Variants in USP31 observed in about 807,000 individuals in gnomAD.
USP31 encodes ubiquitin carboxyl-terminal hydrolase 31.
USP31 carries 44 observed loss-of-function variants against 119.4 expected under a neutral mutation model. That is an observed-to-expected ratio of 0.37 (90% CI 0.29 to 0.47). The LOEUF (loss-of-function observed/expected upper bound fraction) is 0.47, where lower values mean the gene tolerates loss of function less well. USP31 is among the 20% of genes least tolerant of loss of function. USP31 has a pLI of 0.99. For synonymous variants in USP31, 749 were observed against 705.6 expected (o/e 1.06, Z -0.97); for missense variants, 1,643 against 1,730.2 (o/e 0.95, Z 0.89).
chr16:23,149,406 G>GAGCC lies in USP31; in HGVS notation c.-140_-137dup. On this transcript the variant is annotated 5_prime_UTR_variant, in exon 1 of 16. Transcript: ENST00000219689. ...GCCCCACACACCTCAAAGCGCAGCCGAGCCAGCGAGCGAGCGGCGGCCGGC... is the reference window on the plus strand; with the variant it reads ...GCCCCACACACCTCAAAGCGCAGCCGAGCCAGCCAGCGAGCGAGCGGCGGCCGGC... The GAGCC allele has an allele frequency of 1.0e-6, 1 of 962,928 alleles. No homozygotes were observed. Among genetic ancestry groups the GAGCC allele is most frequent in the Non-Finnish European group, 1.2e-6 (1 of 811,248 alleles). The allele number at this position is 962,928 out of a possible 1,614,324, so 59.6% of individuals were successfully genotyped here.
Position 23,090,747 on chromosome 16 carries a change from A to G in USP31, c.1292T>C (p.Leu431Pro). 1 of 1,612,514 alleles carries G rather than the reference A, an allele frequency of 6.2e-7. No individual in the cohort carries two copies. ...HLKFGLDYHR[L>P]SSPTQTAAKQ... ...TGCTGCTGTTTGTGTAGGAGAAGAC[A>G]GTCTATGATAATCCAAGCCAAATTT... The change falls in exon 7 of 16, where the codon CTG becomes CCG. Residue 431 changes from leucine to proline, a missense_variant. Transcript: ENST00000219689.
chr16:23,148,779 C>A lies in USP31; in HGVS notation c.492G>T (p.Gly164=), dbSNP rs1177201732. Residue 164 remains glycine, a synonymous_variant, in exon 1 of 16, where the codon GGG becomes GGT. Transcript: ENST00000219689. ...CCGGGTCAGGCGAGGGCTCGGGCCG[C>A]CCCGCCCGGTACTGGCCCAGCGCCA... ...EYLALGQYRA[G]RPEPSPDPEQ... The A allele has an allele frequency of 2.6e-6, 4 of 1,533,696 alleles. No homozygotes were observed. The highest frequency in any genetic ancestry group is 1.4e-5 in the African/African-American group (1 of 69,630).
At chr16:23,107,073 C>T (rs559479165) in intron 2 of USP31, among the ~76,000 whole-genome samples, 2 of 151,518 alleles carry the variant, frequency 1.3e-5, no homozygotes, top group South Asian at 4.2e-4. Flanking sequence ...GACTGTGCCA[C>T]TGCACTTCAG....
rs1231123765 is a variant in USP31, at chr16:23,068,901, T to G, written c.3204A>C (p.Leu1068=). ...PSSPLPVKVS[L]KPSRSRSKAD... ...CTTTGCTGCGGGAGCGGGAGGGCTT[T>G]AGAGAGACTTTTACAGGAAGAGGAG... The change falls in exon 16 of 16, where the codon CTA becomes CTC. Residue 1068 remains leucine (L), a synonymous_variant. Coordinates refer to ENST00000219689, the MANE Select transcript of USP31 (RefSeq NM_020718.4). The G allele has an allele frequency of 1.9e-6, 3 of 1,611,626 alleles. No homozygotes were observed.
intron 6 of USP31, among the ~76,000 whole-genome samples, chr16:23,098,374 A>G (rs1160986661): frequency 2.6e-5 from 4 of 152,214 alleles, no homozygotes; most frequent in Non-Finnish European, 5.9e-5. Flanking sequence ...GGAAGAATCA[A>G]TATCGTGAAA....
chr16:23,079,676 G>C (rs1900730156), intron 13 of USP31: 1 of 330,138 alleles, frequency 3.0e-6, no homozygotes, highest in Non-Finnish European at 5.5e-6. Context: ...GGTAAACAAA[G>C]AGCAAATCCT....
chr16:23,140,047 T>C (rs903723380), intron 1 of USP31, among the ~76,000 whole-genome samples: 1 of 152,214 alleles, frequency 6.6e-6, no homozygotes, highest in Non-Finnish European at 1.5e-5. Context: ...TCTCGCTGTA[T>C]TTATTTTCTC....
At position 23,105,512 on chromosome 16, in the gene USP31, C is replaced by A; in HGVS notation, c.1018G>T (p.Val340Leu). 6.2e-7 allele frequency: 1 copy of A among 1,614,120 alleles called. No homozygotes were observed. ...CTGGCGACAGTCCCAGACAGAGGTA[C>A]GGCCACACCAATCCTCATGCAGTGA... ...CSHCMRIGVAVPLSGTVARLR... is the reference protein window; with the variant it reads ...CSHCMRIGVALPLSGTVARLR... Residue 340 changes from valine to leucine, a missense_variant, in exon 5 of 16, where the codon GTA (valine) becomes TTA (leucine). By Grantham distance (32) the Val-to-Leu change is conservative. Coordinates refer to ENST00000219689, the MANE Select transcript of USP31 (RefSeq NM_020718.4).
At chr16:23,143,430 C>T (rs1394907300) in intron 1 of USP31, among the ~76,000 whole-genome samples, 1 of 152,054 alleles carries the variant, frequency 6.6e-6, no homozygotes, top group African/African-American at 2.4e-5. Flanking sequence ...TTTAAAATGG[C>T]ATATTATGTA....
intron 14 of USP31, among the ~76,000 whole-genome samples, 155 bp downstream of exon 14, chr16:23,073,566 GA>G (rs759102371): frequency 1.3e-5 from 2 of 152,142 alleles, no homozygotes; most frequent in Non-Finnish European, 2.9e-5. Context: ...CAACTTCCTT[GA>G]CTGCAGTCAT....
intron 1 of USP31, among the ~76,000 whole-genome samples, chr16:23,115,149 C>T (rs975344344): frequency 1.3e-5 from 2 of 152,136 alleles, no homozygotes; most frequent in Non-Finnish European, 2.9e-5. Flanking sequence ...CCAAGAGTCC[C>T]GGAAAGTGAT....
chr16:23,137,522 C>T (rs1363669810), intron 1 of USP31, among the ~76,000 whole-genome samples: 2 of 151,972 alleles, frequency 1.3e-5, no homozygotes, highest in Non-Finnish European at 2.9e-5. Flanking sequence ...ATGGTGGTAT[C>T]ACATTGATAA....
intron 9 of USP31, among the ~76,000 whole-genome samples, chr16:23,086,605 G>A (rs896475425): frequency 6.6e-6 from 1 of 152,076 alleles, no homozygotes; most frequent in Non-Finnish European, 1.5e-5. Flanking sequence ...AAATAGTATC[G>A]CCTGTTCAAA....
intron 1 of USP31, among the ~76,000 whole-genome samples, chr16:23,128,243 A>C (rs1902926476): frequency 6.6e-6 from 1 of 152,178 alleles, no homozygotes; most frequent in African/African-American, 2.4e-5. Context: ...CAGTATCTGG[A>C]AATGACTAAT....
chr16:23,079,386 CCTT>C (rs1303137326), intron 13 of USP31: 1 of 151,616 alleles, frequency 6.6e-6, no homozygotes, highest in Non-Finnish European at 1.5e-5. Flanking sequence ...AAAGAAAAAC[CCTT>C]CTAAGTCACT....
At position 23,120,043 on chromosome 16, in the gene USP31, C is replaced by T. The variant is rs58027837; in HGVS notation, c.634-11860G>A. On this transcript the variant is annotated intron_variant, in intron 1 of 15. Transcript: ENST00000219689. Reference sequence around the variant, plus strand: ...CAGGTCACCAAAATGTATTTAACTACCCAATCAACTAACTCAAGTAACTCA... The same window carrying T: ...CAGGTCACCAAAATGTATTTAACTATCCAATCAACTAACTCAAGTAACTCA... 4.0e-3 allele frequency among the ~76,000 whole-genome samples: 609 copies of T among 152,290 alleles called. 7 individuals are homozygous for T. Among genetic ancestry groups the T allele is most frequent in the African/African-American group, 0.013 (554 of 41,558 alleles).
At chr16:23,097,109 G>GA (rs1901647522) in intron 6 of USP31, among the ~76,000 whole-genome samples, 1 of 151,638 alleles carries the variant, frequency 6.6e-6, no homozygotes, top group Non-Finnish European at 1.5e-5. Context: ...GACTAATAAA[G>GA]AAAAAAAGAG....
chr16:23,112,383 A>T (rs994300248), intron 1 of USP31, among the ~76,000 whole-genome samples: 17 of 152,114 alleles, frequency 1.1e-4, no homozygotes, highest in African/African-American at 3.1e-4. Context: ...GTTCAAAACC[A>T]GCCTGACCAA....
intron 6 of USP31, 146 bp downstream of exon 6, chr16:23,102,173 A>T: frequency 1.1e-6 from 1 of 885,148 alleles, no homozygotes; most frequent in South Asian, 2.9e-5. Context: ...TAAGATTTTT[A>T]CCATTATACC....
Sources: allele counts gnomAD v4.1 joint callset (sites outside exome capture counted in the v4.1 genomes callset), GRCh38; gene constraint gnomAD v4.1.1; transcripts MANE v1.5; gene names NCBI Gene and HGNC (gene_info 2026-07-23, HGNC 2026-07-21).